ZNF804B: variants seen among roughly 807,000 people sequenced by gnomAD.
ZNF804B encodes zinc finger protein 804B, also known as zinc finger 804B.
In ZNF804B, 80 loss-of-function variants were observed where a neutral mutation model predicts 101.4. That is an observed-to-expected ratio of 0.79 (90% CI 0.66 to 0.95). The LOEUF (loss-of-function observed/expected upper bound fraction) is 0.95. ZNF804B is among the 40% of genes least tolerant of loss of function. The pLI is 0.00. For missense variants in ZNF804B, 1,673 were observed against 1,561.9 expected, an observed-to-expected ratio of 1.07 and a Z score of -1.20; for synonymous variants, 622 against 558.8, an observed-to-expected ratio of 1.11 and a Z score of -1.59.
chr7:89,195,518 A>T (rs1039896900), intron 1 of ZNF804B, among the ~76,000 whole-genome samples: 2 of 149,780 alleles, frequency 1.3e-5, no homozygotes, highest in African/African-American at 5.0e-5. Context: ...AATGTACAAA[A>T]ATCACAAGCA....
At chr7:89,136,063 C>G (rs891390085) in intron 1 of ZNF804B, among the ~76,000 whole-genome samples, 1 of 152,082 alleles carries the variant, frequency 6.6e-6, no homozygotes, top group Non-Finnish European at 1.5e-5. Flanking sequence ...TTGCTAACAT[C>G]ATGTCCTGAA....
chr7:89,285,012 A>G (rs1264218661), intron 2 of ZNF804B, among the ~76,000 whole-genome samples: 1 of 151,886 alleles, frequency 6.6e-6, no homozygotes, highest in African/African-American at 2.4e-5. Context: ...TAGTCTGAGT[A>G]ATGTAGTGAG....
chr7:89,241,633 G>T (rs909089016), intron 2 of ZNF804B, among the ~76,000 whole-genome samples: 2 of 151,948 alleles, frequency 1.3e-5, no homozygotes, highest in Admixed American at 6.6e-5. Flanking sequence ...ATATAATTTT[G>T]CTCCCTCTAT....
intron 1 of ZNF804B, among the ~76,000 whole-genome samples, chr7:88,901,622 A>G (rs1792392801): frequency 6.6e-6 from 1 of 151,618 alleles, no homozygotes; most frequent in Admixed American, 6.6e-5. Flanking sequence ...TAAAGTGGTT[A>G]TATTAGAGAG....
chr7:89,101,857 C>A (rs1252439298), intron 1 of ZNF804B, among the ~76,000 whole-genome samples: 1 of 151,850 alleles, frequency 6.6e-6, no homozygotes, highest in Non-Finnish European at 1.5e-5. Flanking sequence ...CCTCATCCCC[C>A]TTCCTTTTTC....
At chr7:88,927,181 A>G (rs978183213) in intron 1 of ZNF804B, among the ~76,000 whole-genome samples, 3 of 152,198 alleles carry the variant, frequency 2.0e-5, no homozygotes, top group African/African-American at 7.2e-5. Flanking sequence ...GGAGACTTTC[A>G]AAGTGGCCCT....
At chr7:89,173,375 A>T (rs571258430) in intron 1 of ZNF804B, among the ~76,000 whole-genome samples, 1 of 152,002 alleles carries the variant, frequency 6.6e-6, no homozygotes, top group Non-Finnish European at 1.5e-5. Context: ...AGAATATCAC[A>T]TAAGTATGAA....
chr7:88,965,157 C>A (rs118143303), intron 1 of ZNF804B, among the ~76,000 whole-genome samples: 1 of 151,464 alleles, frequency 6.6e-6, no homozygotes, highest in Non-Finnish European at 1.5e-5. Flanking sequence ...TTCATTCTAC[C>A]TCTACCCCAT....
chr7:89,194,978 T>C (rs1268800631), intron 1 of ZNF804B, among the ~76,000 whole-genome samples: 2 of 152,164 alleles, frequency 1.3e-5, no homozygotes, highest in African/African-American at 4.8e-5. Context: ...TTGTATCCTC[T>C]TTTATTTCCA....
At chr7:89,111,858 C>T (rs1453862472) in intron 1 of ZNF804B, among the ~76,000 whole-genome samples, 1 of 151,986 alleles carries the variant, frequency 6.6e-6, no homozygotes, top group Non-Finnish European at 1.5e-5. Context: ...GCTAGGTGCA[C>T]TTTGGGAGAT....
chr7:89,161,975 A>C (rs1368830344), intron 1 of ZNF804B, among the ~76,000 whole-genome samples: 2 of 152,182 alleles, frequency 1.3e-5, no homozygotes, highest in Non-Finnish European at 2.9e-5. Context: ...TACACAGATA[A>C]TGAATGAGTA....
chr7:88,888,643 A>G (rs1335366333), intron 1 of ZNF804B, among the ~76,000 whole-genome samples: 1 of 152,114 alleles, frequency 6.6e-6, no homozygotes, highest in East Asian at 1.9e-4. Context: ...TATTTTTATT[A>G]CTATAACTGT....
chr7:89,227,076 T>C (rs1342181272), intron 2 of ZNF804B, among the ~76,000 whole-genome samples: 1 of 152,182 alleles, frequency 6.6e-6, no homozygotes. Context: ...ATTTTGTAAA[T>C]GCTTTTGCTT....
Position 88,759,796 on chromosome 7 carries a change from G to A in ZNF804B, c.-181G>A, listed in dbSNP as rs1177942715. 3.3e-6 allele frequency: 2 copies of A among 600,768 alleles called. No individual in the cohort carries two copies. Among genetic ancestry groups the A allele is most frequent in the Non-Finnish European group, 3.0e-6 (1 of 337,840 alleles). 37.2% of individuals were successfully genotyped at this position (600,768 alleles called of 1,614,324 possible). A position where few individuals can be genotyped will look rare whatever the true frequency, so the allele number is the denominator to read the frequency against. On this transcript the variant is annotated 5_prime_UTR_variant, in exon 1 of 4. Coordinates refer to ENST00000333190, the MANE Select transcript of ZNF804B (RefSeq NM_181646.5). ...CGCCTCTGTCAGAGCAGCAGCTGTC[G>A]GCAGCAGGAGCCCCGCACGGGGCGC...
intron 1 of ZNF804B, among the ~76,000 whole-genome samples, chr7:89,157,397 C>G (rs952090161): frequency 2.4e-4 from 37 of 152,174 alleles, no homozygotes; most frequent in African/African-American, 8.7e-4. Flanking sequence ...TATCATTTTT[C>G]TTTTTATAAG....
chr7:89,297,723 T>C (rs1790405424), intron 2 of ZNF804B, among the ~76,000 whole-genome samples: 1 of 152,054 alleles, frequency 6.6e-6, no homozygotes, highest in South Asian at 2.1e-4. Flanking sequence ...TATTACTCTC[T>C]ATGAAGATAT....
In ZNF804B at chr7:88,951,860, A is replaced by AATG. The variant is rs548460277; in HGVS notation, c.108+191781_108+191783dup. 1.8e-3 allele frequency among the ~76,000 whole-genome samples: 267 copies of AATG among 151,964 alleles called. 1 individual carries two copies. Among genetic ancestry groups the AATG allele is most frequent in the African/African-American group, 5.6e-3 (233 of 41,524 alleles). ...TAAAAGGATAAGTTTTTCTTCAATA[A>AATG]ATGATGAAACTTCAAGTTTAAAATA... On this transcript the variant is annotated intron_variant, in intron 1 of 3. Transcript: ENST00000333190.
At chr7:89,238,962 C>T (rs1021112867) in intron 2 of ZNF804B, among the ~76,000 whole-genome samples, 1 of 152,134 alleles carries the variant, frequency 6.6e-6, no homozygotes, top group African/African-American at 2.4e-5. Context: ...TCAAGTCTAC[C>T]TTCTTGTAAT....
intron 1 of ZNF804B, among the ~76,000 whole-genome samples, chr7:88,812,224 A>T (rs1223679199): frequency 6.6e-6 from 1 of 152,214 alleles, no homozygotes; most frequent in Non-Finnish European, 1.5e-5. Flanking sequence ...CATTCCAAAG[A>T]AATTGACCTT....
Sources: gnomAD v4.1 joint callset for allele counts (sites outside exome capture counted in the v4.1 genomes callset) on GRCh38, gnomAD v4.1.1 for gene constraint, MANE v1.5 for transcripts, NCBI Gene and HGNC (gene_info 2026-07-23, HGNC 2026-07-21) for gene names.